The following IL6ST variants were observed in gnomAD, a reference collection of about 807,000 sequenced individuals.
IL6ST encodes interleukin-6 receptor subunit beta.
Under a neutral mutation model 91.3 loss-of-function variants are expected in IL6ST, and 24 were observed. The observed-to-expected ratio is 0.26, with a 90% CI of 0.19 to 0.37. The LOEUF (loss-of-function observed/expected upper bound fraction) is 0.37, where lower values mean the gene tolerates loss of function less well. Ranked by LOEUF, IL6ST falls within the 10% of genes least tolerant of loss-of-function variation. IL6ST has a pLI of 1.00. For missense variants in IL6ST, 914 were observed against 1,078.5 expected (o/e 0.85, Z 2.14); for synonymous variants, 351 against 373.6 (o/e 0.94, Z 0.70).
intron 15 of IL6ST, among the ~76,000 whole-genome samples, chr5:55,945,892 G>A (rs184692809): frequency 5.9e-5 from 9 of 151,760 alleles, no homozygotes; most frequent in African/African-American, 1.5e-4. Context: ...CTTGTGAGCC[G>A]CCCGCCTTGA....
chr5:55,952,274 T>C lies in IL6ST; in HGVS notation c.1528A>G (p.Ile510Val), dbSNP rs148372700. 5.2e-5 allele frequency: 83 copies of C among 1,610,640 alleles called. No homozygotes were observed. Among genetic ancestry groups the C allele is most frequent in the African/African-American group, 1.6e-4 (12 of 74,876 alleles). The change falls in exon 12 of 17, where the codon ATA (isoleucine) becomes GTA (valine). Residue 510 changes from isoleucine to valine, a missense_variant. Coordinates refer to ENST00000381298, the MANE Select transcript of IL6ST (RefSeq NM_002184.4). ...CGAGCTTGTTTAAGGTATGCCTTTA[T>C]GGATTCAGGGCTTCCTGGTCCATCA... The part of the protein sequence containing the change: ...YADGPGSPES[I>V]KAYLKQAPPS...
At chr5:55,963,100 A>C (rs1051469247) in intron 7 of IL6ST, among the ~76,000 whole-genome samples, 3 of 152,116 alleles carry the variant, frequency 2.0e-5, no homozygotes, top group Non-Finnish European at 4.4e-5. Context: ...AGAAAAAAAA[A>C]AAAAAGCCAT....
At chr5:55,959,045 G>A (rs553131539) in intron 8 of IL6ST, among the ~76,000 whole-genome samples, 1 of 151,978 alleles carries the variant, frequency 6.6e-6, no homozygotes, top group East Asian at 1.9e-4. Flanking sequence ...AAAAAATTAT[G>A]AGCTGGAAAT....
intron 8 of IL6ST, chr5:55,959,797 C>A: frequency 2.8e-6 from 1 of 359,304 alleles, no homozygotes; most frequent in Admixed American, 3.6e-5. Context: ...TTAGGAGTAT[C>A]TCTGGACAAG....
chr5:55,963,539 T>C, intron 6 of IL6ST, 33 bp from the exon 7 acceptor site: 1 of 1,530,290 alleles, frequency 6.5e-7, no homozygotes, highest in South Asian at 1.2e-5. Context: ...AGGTTTATTA[T>C]GTTTTCCAAT....
intron 14 of IL6ST, among the ~76,000 whole-genome samples, chr5:55,948,432 G>T (rs986821033): frequency 1.3e-5 from 2 of 152,010 alleles, no homozygotes; most frequent in African/African-American, 2.4e-5. Flanking sequence ...ATATCCCTTT[G>T]TAAGTAACTA....
Position 55,976,198 on chromosome 5 carries a change from T to C in IL6ST, c.64+17A>G, listed in dbSNP as rs1457391661. On this transcript the variant is annotated intron_variant, in intron 3 of 16. Transcript: ENST00000381298. Reference sequence around the variant, plus strand: ...TAATTTGTGAAGTTAGAAGATAGGGTATTTCATGAACCTTACCTGTAGATT... The same window carrying C: ...TAATTTGTGAAGTTAGAAGATAGGGCATTTCATGAACCTTACCTGTAGATT... The C allele has an allele frequency of 7.0e-7, 1 of 1,422,662 alleles. No individual in the cohort carries two copies. Among genetic ancestry groups the C allele is most frequent in the East Asian group, 2.4e-5 (1 of 40,832 alleles). 88.1% of individuals were successfully genotyped at this position (1,422,662 alleles called of 1,614,324 possible).
At chr5:55,981,594 G>A (rs1753675987) in intron 2 of IL6ST, among the ~76,000 whole-genome samples, 1 of 152,034 alleles carries the variant, frequency 6.6e-6, no homozygotes, top group Non-Finnish European at 1.5e-5. Flanking sequence ...AGCGAGCCAA[G>A]ATCGTGCCAT....
rs1750824241 is a variant in IL6ST at position 55,940,360 on chromosome 5, A to G, written c.*722T>C. 1 of 209,188 alleles carries G rather than the reference A, an allele frequency of 4.8e-6. No homozygotes were observed. The highest frequency in any genetic ancestry group is 9.7e-6 in the Non-Finnish European group (1 of 102,766). The allele number at this position is 209,188 out of a possible 1,614,324, so 13.0% of individuals were successfully genotyped here. A position where few individuals can be genotyped will look rare whatever the true frequency, so the allele number is the denominator to read the frequency against. On this transcript the variant is annotated 3_prime_UTR_variant, in exon 17 of 17. Coordinates refer to ENST00000381298, the MANE Select transcript of IL6ST (RefSeq NM_002184.4). ...TGTTGAGTTTGTGAAATGCATCTTC[A>G]AAGAGGTTGTCAATAATATGCAAAT...
intron 2 of IL6ST, among the ~76,000 whole-genome samples, chr5:55,982,219 C>T (rs1028343290): frequency 1.3e-5 from 2 of 151,440 alleles, no homozygotes; most frequent in Non-Finnish European, 2.9e-5. Flanking sequence ...CTAACTTAAC[C>T]TAAGGATGAA....
chr5:55,959,724 G>A, intron 8 of IL6ST: 1 of 869,444 alleles, frequency 1.2e-6, no homozygotes, highest in South Asian at 1.4e-5. Context: ...TTTTGATAGT[G>A]GGGATCTAAG....
At chr5:55,957,392 C>A in intron 8 of IL6ST, 101 bp from the exon 9 acceptor site, 1 of 576,808 alleles carries the variant, frequency 1.7e-6, no homozygotes, top group Non-Finnish European at 3.0e-6. Flanking sequence ...TCTTGCCCTC[C>A]AATTGCATGG....
In IL6ST at chr5:55,957,201, T is replaced by C. The variant is rs754345379; in HGVS notation, c.1056+8A>G. 2 of 1,400,196 alleles carry C rather than the reference T, an allele frequency of 1.4e-6. No individual in the cohort carries two copies. Among genetic ancestry groups the C allele is most frequent in the Admixed American group, 2.3e-5 (1 of 43,458 alleles). The allele number at this position is 1,400,196 out of a possible 1,614,324, so 86.7% of individuals were successfully genotyped here. A position where few individuals can be genotyped will look rare whatever the true frequency, so the allele number is the denominator to read the frequency against. On this transcript the variant is annotated splice_region_variant and intron_variant, in intron 9 of 16. Coordinates refer to ENST00000381298, the MANE Select transcript of IL6ST (RefSeq NM_002184.4). ...TATAAGAGATAAAATATAAATGTGA[T>C]TTTTTACCTTCCACACGAGTTGTAC...
intron 2 of IL6ST, among the ~76,000 whole-genome samples, chr5:55,979,667 T>C (rs1753528425): frequency 6.6e-6 from 1 of 152,204 alleles, no homozygotes; most frequent in Non-Finnish European, 1.5e-5. Flanking sequence ...GTTTTGTTGT[T>C]TGTAAATTAG....
intron 9 of IL6ST, 34 bp from the exon 10 acceptor site, chr5:55,956,269 TCATAA>T: frequency 8.1e-7 from 1 of 1,229,324 alleles, no homozygotes; most frequent in Non-Finnish European, 1.2e-6. Context: ...AAAAATAATC[TCATAA>T]ATCTTGAATA....
rs1048731 is a variant in IL6ST at position 55,939,449 on chromosome 5, G to A, written c.*1633C>T. On this transcript the variant is annotated 3_prime_UTR_variant, in exon 17 of 17. Coordinates refer to ENST00000381298, the MANE Select transcript of IL6ST (RefSeq NM_002184.4). ...ATAAAAGATAAACAGGAAGTCTAAT[G>A]TGAACAATATTCTGAGAGTAAAAAG... 1 of 204,126 alleles carries A rather than the reference G, an allele frequency of 4.9e-6. No individual in the cohort carries two copies. Among genetic ancestry groups the A allele is most frequent in the Non-Finnish European group, 1.0e-5 (1 of 99,672 alleles). 12.6% of individuals were successfully genotyped at this position (204,126 alleles called of 1,614,324 possible).
intron 5 of IL6ST, 122 bp downstream of exon 5, chr5:55,968,154 A>G: frequency 1.1e-6 from 1 of 945,394 alleles, no homozygotes; most frequent in East Asian, 2.8e-5. Context: ...TTGAAATGTT[A>G]CAGAATAAAA....
intron 7 of IL6ST, among the ~76,000 whole-genome samples, chr5:55,962,428 T>TC (rs1228313784): frequency 6.6e-6 from 1 of 152,228 alleles, no homozygotes; most frequent in Non-Finnish European, 1.5e-5. Context: ...TTTTAAAAGC[T>TC]CCAAGTATTT....
intron 7 of IL6ST, 73 bp from the exon 8 acceptor site, chr5:55,960,634 A>G (rs1471972995): frequency 1.4e-6 from 2 of 1,465,608 alleles, no homozygotes; most frequent in African/African-American, 1.4e-5. Flanking sequence ...AAATTCAGAA[A>G]CTTTTTTTTT....
Sources: allele counts gnomAD v4.1 joint callset (sites outside exome capture counted in the v4.1 genomes callset), GRCh38; gene constraint gnomAD v4.1.1; transcripts MANE v1.5; gene names NCBI Gene and HGNC (gene_info 2026-07-23, HGNC 2026-07-21).